Variants in PLCB1 observed in about 807,000 individuals in gnomAD.
PLCB1 encodes the protein 1-phosphatidylinositol 4,5-bisphosphate phosphodiesterase beta-1.
In PLCB1, 46 loss-of-function variants were observed where a neutral mutation model predicts 161.8. The observed-to-expected ratio is 0.28, with a 90% CI of 0.22 to 0.36. The LOEUF is 0.36. Among genes scored for constraint, PLCB1 ranks in the 10% least tolerant of loss-of-function variants. The pLI is 1.00. For synonymous variants in PLCB1, 517 were observed against 503.7 expected, an observed-to-expected ratio of 1.03 and a Z score of -0.35; for missense variants, 1,016 against 1,472.5, an observed-to-expected ratio of 0.69 and a Z score of 5.07.
At chr20:8,634,455 AC>A (rs1339191411) in intron 4 of PLCB1, among the ~76,000 whole-genome samples, 3 of 152,136 alleles carry the variant, frequency 2.0e-5, no homozygotes, top group African/African-American at 7.2e-5. Context: ...TTTCTTGTGC[AC>A]AATCTAGATA....
intron 2 of PLCB1, among the ~76,000 whole-genome samples, chr20:8,324,359 A>G (rs1985056021): frequency 6.6e-6 from 1 of 152,168 alleles, no homozygotes; most frequent in African/African-American, 2.4e-5. Context: ...GTTCCCAACA[A>G]ACTTCTAAAT....
At chr20:8,568,058 A>G (rs1048639512) in intron 3 of PLCB1, among the ~76,000 whole-genome samples, 18 of 152,296 alleles carry the variant, frequency 1.2e-4, no homozygotes, top group African/African-American at 4.1e-4. Context: ...TTTCTTTAAA[A>G]GAAGAATTTC....
intron 3 of PLCB1, among the ~76,000 whole-genome samples, chr20:8,432,490 T>G (rs1335085624): frequency 6.6e-6 from 1 of 152,224 alleles, no homozygotes; most frequent in African/African-American, 2.4e-5. Flanking sequence ...AATTACTTCT[T>G]TCTAGACCCT....
intron 2 of PLCB1, among the ~76,000 whole-genome samples, chr20:8,238,446 T>G (rs1159432865): frequency 6.6e-6 from 1 of 152,018 alleles, no homozygotes; most frequent in Non-Finnish European, 1.5e-5. Flanking sequence ...TTATCTGAAG[T>G]TAAGCTCCAG....
At chr20:8,449,926 G>A (rs1342024137) in intron 3 of PLCB1, among the ~76,000 whole-genome samples, 1 of 152,164 alleles carries the variant, frequency 6.6e-6, no homozygotes, top group African/African-American at 2.4e-5. Context: ...ATACCATGGG[G>A]TTGATGGTCA....
intron 3 of PLCB1, among the ~76,000 whole-genome samples, chr20:8,588,618 A>G (rs1251125012): frequency 6.6e-6 from 1 of 152,150 alleles, no homozygotes; most frequent in Non-Finnish European, 1.5e-5. Context: ...AAGCATGTGC[A>G]CAGAAATGAG....
chr20:8,357,479 C>G (rs947362186), intron 2 of PLCB1, among the ~76,000 whole-genome samples: 3 of 152,064 alleles, frequency 2.0e-5, no homozygotes, highest in African/African-American at 7.2e-5. Context: ...AATCCTAATA[C>G]AGTGATTTTT....
intron 10 of PLCB1, among the ~76,000 whole-genome samples, chr20:8,694,418 T>C (rs1990543157): frequency 6.6e-6 from 1 of 152,188 alleles, no homozygotes; most frequent in African/African-American, 2.4e-5. Context: ...TCTTTCTCTT[T>C]TTTATTCTTC....
chr20:8,853,343 A>G (rs1986954078), intron 31 of PLCB1, among the ~76,000 whole-genome samples: 2 of 152,142 alleles, frequency 1.3e-5, no homozygotes, highest in Non-Finnish European at 2.9e-5. Context: ...CATTATCAAC[A>G]CCCCAGAAAC....
chr20:8,281,328 G>A (rs1982864080), intron 2 of PLCB1, among the ~76,000 whole-genome samples: 1 of 136,740 alleles, frequency 7.3e-6, no homozygotes, highest in Admixed American at 7.4e-5. Flanking sequence ...TAAACCCAGA[G>A]CTCTTTTTAA....
chr20:8,438,725 A>G (rs1980418301), intron 3 of PLCB1, among the ~76,000 whole-genome samples: 1 of 152,060 alleles, frequency 6.6e-6, no homozygotes, highest in Non-Finnish European at 1.5e-5. Flanking sequence ...TGGCTTATGG[A>G]CAGCAACCAT....
chr20:8,652,424 A>G (rs112892572), intron 7 of PLCB1: 6 of 152,256 alleles, frequency 3.9e-5, no homozygotes, highest in African/African-American at 1.4e-4. Context: ...AGAGCTAGGA[A>G]ATAAATGTTT....
At chr20:8,501,862 CGCATATATATATATATATATATATATAT>C (rs1264092941) in intron 3 of PLCB1, among the ~76,000 whole-genome samples, 5 of 104,216 alleles carry the variant, frequency 4.8e-5, no homozygotes, top group African/African-American at 2.0e-4. Flanking sequence ...AAAGATATAT[CGCATATATATATATATATATATATATAT>C]ATATATATAT....
intron 4 of PLCB1, among the ~76,000 whole-genome samples, chr20:8,635,146 C>G (rs962284266): frequency 5.3e-5 from 8 of 152,104 alleles, no homozygotes; most frequent in African/African-American, 1.9e-4. Flanking sequence ...GTCTTATAAT[C>G]TATCCTGTAT....
intron 1 of PLCB1, among the ~76,000 whole-genome samples, chr20:8,142,205 A>G (rs1439304279): frequency 1.3e-5 from 2 of 152,204 alleles, no homozygotes; most frequent in African/African-American, 4.8e-5. Flanking sequence ...TGTCTGGCTC[A>G]CAGTGGGTTC....
At chr20:8,669,496 T>C (rs1355124296) in intron 9 of PLCB1, among the ~76,000 whole-genome samples, 1 of 152,246 alleles carries the variant, frequency 6.6e-6, no homozygotes, top group Non-Finnish European at 1.5e-5. Flanking sequence ...ATTTGTGACC[T>C]GAATGGAAGC....
At chr20:8,696,392 T>C (rs975582591) in intron 10 of PLCB1, among the ~76,000 whole-genome samples, 1 of 152,254 alleles carries the variant, frequency 6.6e-6, no homozygotes, top group Non-Finnish European at 1.5e-5. Flanking sequence ...CACATGGTCT[T>C]GATTACTGTA....
At chr20:8,576,191 A>G (rs1444571050) in intron 3 of PLCB1, among the ~76,000 whole-genome samples, 1 of 152,226 alleles carries the variant, frequency 6.6e-6, no homozygotes, top group African/African-American at 2.4e-5. Flanking sequence ...CCTAATTTTC[A>G]TTAAAAGTGG....
chr20:8,837,300 T>C (rs1986326409), intron 31 of PLCB1, among the ~76,000 whole-genome samples: 1 of 152,164 alleles, frequency 6.6e-6, no homozygotes, highest in Non-Finnish European at 1.5e-5. Context: ...GTGCAACTCA[T>C]GAGGATTTAT....
Sources: gnomAD v4.1 joint callset for allele counts (sites outside exome capture counted in the v4.1 genomes callset) on GRCh38, gnomAD v4.1.1 for gene constraint, MANE v1.5 for transcripts, NCBI Gene and HGNC (gene_info 2026-07-23, HGNC 2026-07-21) for gene names.